Variants in PCDH7 observed in about 807,000 individuals in gnomAD.
The protein encoded by PCDH7 is protocadherin 7.
A neutral mutation model predicts 58.9 loss-of-function variants in PCDH7; 17 were observed. The ratio of observed to expected loss-of-function variants is 0.29; its 90% CI spans 0.20 to 0.43. PCDH7 has a LOEUF of 0.43. PCDH7 is among the 20% of genes least tolerant of loss of function. The probability of loss-of-function intolerance (pLI) is 1.00; values close to 1 mark genes in which losing one functional copy is unlikely to be tolerated. For missense variants in PCDH7, 1,274 were observed against 1,441.0 expected (o/e 0.88, Z 1.88); for synonymous variants, 664 against 616.4 (o/e 1.08, Z -1.14).
At position 30,986,797 on chromosome 4, in the gene PCDH7, A is replaced by C. The variant is rs981215848; in HGVS notation, c.*7+36582A>C. Among the ~76,000 whole-genome samples the C allele has an allele frequency of 4.1e-4, 63 of 152,212 alleles. 1 individual carries two copies. Among genetic ancestry groups the C allele is most frequent in the Middle Eastern group, 6.8e-3 (2 of 292 alleles). On this transcript the variant is annotated intron_variant, in intron 3 of 3. Coordinates refer to the PCDH7 transcript ENST00000509759. ...AGAGATTGAGACGATCCTGGTCAAC[A>C]TGGTGACATCCCGTCTCTACTAAAA...
intron 1 of PCDH7, among the ~76,000 whole-genome samples, chr4:30,787,353 A>C (rs1462040643): frequency 6.6e-6 from 1 of 152,120 alleles, no homozygotes; most frequent in Non-Finnish European, 1.5e-5. Context: ...TAGACAATTC[A>C]ATGCTATTTA....
intron 3 of PCDH7, among the ~76,000 whole-genome samples, chr4:30,964,536 C>G (rs886400431): frequency 6.6e-6 from 1 of 152,016 alleles, no homozygotes; most frequent in African/African-American, 2.4e-5. Flanking sequence ...CCACCGCACC[C>G]GGCCCAGTAG....
intron 1 of PCDH7, among the ~76,000 whole-genome samples, chr4:30,781,541 T>TC (rs1722789019): frequency 6.6e-6 from 1 of 151,464 alleles, no homozygotes; most frequent in African/African-American, 2.4e-5. Context: ...CTCTCTATTT[T>TC]TTTTTTTTTT....
chr4:30,888,109 C>T (rs1738088649), intron 1 of PCDH7, among the ~76,000 whole-genome samples: 1 of 152,096 alleles, frequency 6.6e-6, no homozygotes, highest in African/African-American at 2.4e-5. Context: ...CCCCTGACCT[C>T]ATTATCTGCC....
At chr4:30,928,479 AC>A (rs796665570) in intron 2 of PCDH7, among the ~76,000 whole-genome samples, 51 of 152,324 alleles carry the variant, frequency 3.3e-4, no homozygotes, top group African/African-American at 1.2e-3. Flanking sequence ...ATAAAATATG[AC>A]CAAGGCTTTC....
At chr4:30,765,010 C>T (rs559769955) in intron 1 of PCDH7, among the ~76,000 whole-genome samples, 73 of 151,774 alleles carry the variant, frequency 4.8e-4, no homozygotes, top group African/African-American at 1.4e-3. Context: ...TGAGCCACCG[C>T]GCCCTGCCTG....
At chr4:30,778,598 G>T (rs1222322339) in intron 1 of PCDH7, among the ~76,000 whole-genome samples, 1 of 152,002 alleles carries the variant, frequency 6.6e-6, no homozygotes, top group Non-Finnish European at 1.5e-5. Context: ...TTACTACAAA[G>T]AATTTTTTTT....
intron 1 of PCDH7, among the ~76,000 whole-genome samples, chr4:30,797,283 G>T (rs1203093970): frequency 6.6e-6 from 1 of 150,382 alleles, no homozygotes; most frequent in African/African-American, 2.4e-5. Flanking sequence ...GTTTGGTTTG[G>T]TTTTTTTGAG....
At chr4:30,887,632 G>A (rs1738001657) in intron 1 of PCDH7, among the ~76,000 whole-genome samples, 1 of 152,254 alleles carries the variant, frequency 6.6e-6, no homozygotes, top group East Asian at 1.9e-4. Context: ...GTAAACAAGT[G>A]TGATTACAAT....
At chr4:30,789,220 G>C (rs977622835) in intron 1 of PCDH7, among the ~76,000 whole-genome samples, 6 of 152,076 alleles carry the variant, frequency 3.9e-5, no homozygotes, top group Admixed American at 3.9e-4. Context: ...GTTCTGCATC[G>C]AGTTGAATGC....
At chr4:30,971,823 A>C (rs753505543) in intron 3 of PCDH7, among the ~76,000 whole-genome samples, 1 of 152,188 alleles carries the variant, frequency 6.6e-6, no homozygotes, top group Non-Finnish European at 1.5e-5. Flanking sequence ...TTAGCCGTGC[A>C]TGGTGGCACA....
chr4:30,821,851 A>T (rs1728414864), intron 1 of PCDH7, among the ~76,000 whole-genome samples: 1 of 152,170 alleles, frequency 6.6e-6, no homozygotes, highest in African/African-American at 2.4e-5. Context: ...TATTCAGTTG[A>T]AATGGCTTCT....
At chr4:30,780,467 A>G (rs1299579863) in intron 1 of PCDH7, among the ~76,000 whole-genome samples, 3 of 151,802 alleles carry the variant, frequency 2.0e-5, no homozygotes, top group Non-Finnish European at 4.4e-5. Flanking sequence ...AGACTGTGCC[A>G]CTGCACTCCA....
chr4:30,867,387 G>C (rs1735010175), intron 1 of PCDH7, among the ~76,000 whole-genome samples: 1 of 152,158 alleles, frequency 6.6e-6, no homozygotes, highest in East Asian at 1.9e-4. Context: ...GTTTTGTGAT[G>C]TGCTTTGTAA....
chr4:30,990,897 T>C (rs1017553583), intron 3 of PCDH7, among the ~76,000 whole-genome samples: 6 of 152,156 alleles, frequency 3.9e-5, no homozygotes, highest in Non-Finnish European at 8.8e-5. Flanking sequence ...TAATAATCCA[T>C]CCTCTTTTTT....
chr4:30,910,226 G>C (rs1161660966), intron 1 of PCDH7, among the ~76,000 whole-genome samples: 1 of 152,086 alleles, frequency 6.6e-6, no homozygotes, highest in Admixed American at 6.5e-5. Context: ...AAAAACCCTA[G>C]AAGAAAACCT....
At chr4:30,731,109 C>T in exon 2 of PCDH7, 6 of 1,056,520 alleles carry the variant, frequency 5.7e-6, no homozygotes, top group Non-Finnish European at 6.8e-6. Context: ...AAGCATATTG[C>T]AACAATAAGT....
intron 1 of PCDH7, among the ~76,000 whole-genome samples, chr4:30,769,994 G>T (rs1721197538): frequency 6.6e-6 from 1 of 152,090 alleles, no homozygotes; most frequent in South Asian, 2.1e-4. Flanking sequence ...CTAAAATTTA[G>T]CCTGAAGTGG....
At chr4:31,138,696 TG>T (rs1397844091) in intron 3 of PCDH7, among the ~76,000 whole-genome samples, 1 of 152,106 alleles carries the variant, frequency 6.6e-6, no homozygotes, top group Non-Finnish European at 1.5e-5. Context: ...GCTAGTTTGA[TG>T]GCTTAAAAAC....
Sources: allele counts gnomAD v4.1 joint callset (sites outside exome capture counted in the v4.1 genomes callset), GRCh38; gene constraint gnomAD v4.1.1; transcripts MANE v1.5; gene names NCBI Gene and HGNC (gene_info 2026-07-23, HGNC 2026-07-21).